The following MECOM variants were observed in gnomAD, a reference collection of about 807,000 sequenced individuals.
MECOM encodes the protein MDS1 and EVI1 complex locus.
In MECOM, 13 loss-of-function variants were observed where a neutral mutation model predicts 116.3. The observed-to-expected ratio is 0.11, with a 90% CI of 0.07 to 0.18. MECOM has a LOEUF of 0.18. Among genes scored for constraint, MECOM ranks in the 10% least tolerant of loss-of-function variants. The pLI is 1.00. For synonymous variants in MECOM, 528 were observed against 535.2 expected, an observed-to-expected ratio of 0.99 and a Z score of 0.19; for missense variants, 1,299 against 1,509.0, an observed-to-expected ratio of 0.86 and a Z score of 2.31.
intron 2 of MECOM, among the ~76,000 whole-genome samples, chr3:169,347,841 C>T (rs1233202406): frequency 1.3e-5 from 2 of 151,968 alleles, no homozygotes; most frequent in Non-Finnish European, 2.9e-5. Context: ...CCAATAAATA[C>T]GTGTTGACTG....
chr3:169,151,019 G>C (rs1358785893), intron 2 of MECOM, among the ~76,000 whole-genome samples: 1 of 152,152 alleles, frequency 6.6e-6, no homozygotes, highest in Non-Finnish European at 1.5e-5. Context: ...TTTAAAATAA[G>C]TCAATATATT....
intron 2 of MECOM, among the ~76,000 whole-genome samples, chr3:169,159,920 A>G (rs1471938338): frequency 6.6e-6 from 1 of 152,200 alleles, no homozygotes; most frequent in African/African-American, 2.4e-5. Flanking sequence ...GAGGTAATCC[A>G]TGCACAGCAC....
At chr3:169,146,399 G>T in intron 2 of MECOM, 1 of 1,393,926 alleles carries the variant, frequency 7.2e-7, no homozygotes, top group African/African-American at 1.4e-5. Context: ...GAAACCGACG[G>T]ACAGAGACAC....
chr3:169,253,583 G>C (rs569219636), intron 2 of MECOM, among the ~76,000 whole-genome samples: 3 of 151,988 alleles, frequency 2.0e-5, no homozygotes, highest in Non-Finnish European at 4.4e-5. Flanking sequence ...TAAGATACAT[G>C]CTTCTGAATA....
chr3:169,527,553 T>C (rs1231795997), intron 1 of MECOM, among the ~76,000 whole-genome samples: 1 of 152,234 alleles, frequency 6.6e-6, no homozygotes, highest in African/African-American at 2.4e-5. Flanking sequence ...CAGGGCTTTA[T>C]AGAATCCCCA....
At chr3:169,155,936 C>G (rs1741894658) in intron 2 of MECOM, among the ~76,000 whole-genome samples, 1 of 152,112 alleles carries the variant, frequency 6.6e-6, no homozygotes, top group African/African-American at 2.4e-5. Flanking sequence ...GGCCCTCTTT[C>G]TTGAAATTTT....
At chr3:169,644,224 TTTTATTTATTTG>T (rs1441322752) in intron 1 of MECOM, among the ~76,000 whole-genome samples, 7 of 148,906 alleles carry the variant, frequency 4.7e-5, no homozygotes, top group African/African-American at 1.5e-4. Flanking sequence ...TCGCATTTTA[TTTTATTTATTTG>T]TTTATTTATT....
intron 2 of MECOM, among the ~76,000 whole-genome samples, chr3:169,334,036 A>G (rs1723178178): frequency 6.6e-6 from 1 of 151,934 alleles, no homozygotes; most frequent in African/African-American, 2.4e-5. Flanking sequence ...TTTTAATAAC[A>G]CTTTCTTAAA....
chr3:169,447,144 T>C (rs976169794), intron 1 of MECOM, among the ~76,000 whole-genome samples: 1 of 152,150 alleles, frequency 6.6e-6, no homozygotes, highest in African/African-American at 2.4e-5. Flanking sequence ...TAAAAGAAAT[T>C]GCTCTGAACC....
At chr3:169,293,090 T>C (rs1714911658) in intron 2 of MECOM, among the ~76,000 whole-genome samples, 1 of 152,170 alleles carries the variant, frequency 6.6e-6, no homozygotes, top group Non-Finnish European at 1.5e-5. Flanking sequence ...TGGCTGACAT[T>C]TGTCTTTTAA....
chr3:169,571,576 A>G, intron 1 of MECOM, among the ~76,000 whole-genome samples: 1 of 152,212 alleles, frequency 6.6e-6, no homozygotes, highest in Non-Finnish European at 1.5e-5. Context: ...GCATCACGCT[A>G]CCTGACTTCA....
intron 2 of MECOM, among the ~76,000 whole-genome samples, chr3:169,185,364 C>A (rs1407312541): frequency 6.6e-6 from 1 of 152,070 alleles, no homozygotes; most frequent in Non-Finnish European, 1.5e-5. Flanking sequence ...GACATAGAGT[C>A]CAAGAGGCAA....
At chr3:169,249,901 T>A (rs1334565341) in intron 2 of MECOM, among the ~76,000 whole-genome samples, 2 of 152,196 alleles carry the variant, frequency 1.3e-5, no homozygotes, top group Non-Finnish European at 2.9e-5. Flanking sequence ...GGAACCGAGG[T>A]TGCAGAAGCT....
chr3:169,306,121 CT>C (rs2149721081), intron 2 of MECOM, among the ~76,000 whole-genome samples: 1 of 152,066 alleles, frequency 6.6e-6, no homozygotes, highest in African/African-American at 2.4e-5. Context: ...TTTTATGACA[CT>C]CATGCACAGG....
intron 1 of MECOM, among the ~76,000 whole-genome samples, chr3:169,639,042 T>A (rs1167284776): frequency 6.6e-6 from 1 of 152,012 alleles, no homozygotes; most frequent in Non-Finnish European, 1.5e-5. Flanking sequence ...GATGGAAGAG[T>A]GCTAAGATAC....
chr3:169,634,241 A>AACAC lies in MECOM; in HGVS notation c.37+29091_37+29094dup, dbSNP rs59934753. The stretch of plus-strand genomic sequence containing the variant: ...GGGTATGCACAAACATGTGTGCACA[A>AACAC]ACACACACACACACACACACACACA... On this transcript the variant is annotated intron_variant, in intron 1 of 16. Transcript: ENST00000651503. Among the ~76,000 whole-genome samples the AACAC allele has an allele frequency of 2.9e-3, 428 of 149,166 alleles. 3 individuals are homozygous for AACAC. The highest frequency in any genetic ancestry group is 8.5e-3 in the African/African-American group (346 of 40,662).
chr3:169,635,012 C>T (rs1004794740), intron 1 of MECOM, among the ~76,000 whole-genome samples: 7 of 152,040 alleles, frequency 4.6e-5, no homozygotes, highest in African/African-American at 1.4e-4. Flanking sequence ...TGGAGGACCA[C>T]AGTGTTCTGG....
intron 2 of MECOM, among the ~76,000 whole-genome samples, chr3:169,281,134 G>A (rs1294297981): frequency 6.6e-6 from 1 of 152,160 alleles, no homozygotes; most frequent in Non-Finnish European, 1.5e-5. Flanking sequence ...TTGGAGAAAA[G>A]CATTATCACC....
chr3:169,462,964 T>C (rs1428652699), intron 1 of MECOM, among the ~76,000 whole-genome samples: 1 of 152,184 alleles, frequency 6.6e-6, no homozygotes, highest in Admixed American at 6.5e-5. Flanking sequence ...AATAAGAAGC[T>C]GTTTTTCAAA....
Sources: gnomAD v4.1 joint callset for allele counts (sites outside exome capture counted in the v4.1 genomes callset) on GRCh38, gnomAD v4.1.1 for gene constraint, MANE v1.5 for transcripts, NCBI Gene and HGNC (gene_info 2026-07-23, HGNC 2026-07-21) for gene names.